Variants in ADGRL2 observed in about 807,000 individuals in gnomAD.
ADGRL2 encodes the protein calcium-independent alpha-latrotoxin receptor 2.
A neutral mutation model predicts 157.4 loss-of-function variants in ADGRL2; 44 were observed. That is an observed-to-expected ratio of 0.28 (90% CI 0.22 to 0.36). ADGRL2 has a LOEUF of 0.36. ADGRL2 is among the 10% of genes least tolerant of loss of function. ADGRL2 has a pLI of 1.00. For missense variants in ADGRL2, 1,510 were observed against 1,768.9 expected (o/e 0.85, Z 2.63); for synonymous variants, 585 against 624.7 (o/e 0.94, Z 0.95).
At chr1:81,427,235 G>A (rs1348437409) in intron 1 of ADGRL2, 1 of 767,452 alleles carries the variant, frequency 1.3e-6, no homozygotes, top group Non-Finnish European at 2.4e-6. Context: ...CTATGCTGGT[G>A]GAGGTGGTGG....
intron 1 of ADGRL2, among the ~76,000 whole-genome samples, chr1:81,755,360 C>T (rs2085651876): frequency 6.6e-6 from 1 of 151,440 alleles, no homozygotes; most frequent in Non-Finnish European, 1.5e-5. Flanking sequence ...GCTACTATTG[C>T]TAATTATCAT....
chr1:81,491,817 C>A (rs2078639155), intron 2 of ADGRL2, among the ~76,000 whole-genome samples: 1 of 152,140 alleles, frequency 6.6e-6, no homozygotes, highest in South Asian at 2.1e-4. Flanking sequence ...CAGATTTATT[C>A]TATGCAATAC....
At chr1:81,620,865 C>T (rs1412046967) in intron 3 of ADGRL2, among the ~76,000 whole-genome samples, 2 of 152,128 alleles carry the variant, frequency 1.3e-5, no homozygotes, top group East Asian at 1.9e-4. Flanking sequence ...ACAAGGCCTC[C>T]GATGAACACG....
intron 2 of ADGRL2, among the ~76,000 whole-genome samples, chr1:81,884,072 A>AT (rs2094062101): frequency 6.7e-6 from 1 of 149,936 alleles, no homozygotes; most frequent in Non-Finnish European, 1.5e-5. Context: ...TTCAGCCTTG[A>AT]TCTCCTGGGC....
chr1:81,607,505 A>T (rs2081458521), intron 3 of ADGRL2, among the ~76,000 whole-genome samples: 1 of 152,206 alleles, frequency 6.6e-6, no homozygotes, highest in Admixed American at 6.5e-5. Flanking sequence ...TGTTATCTAA[A>T]CTGCACGTGG....
At chr1:81,709,280 A>G (rs2083845007) in intron 1 of ADGRL2, among the ~76,000 whole-genome samples, 1 of 152,142 alleles carries the variant, frequency 6.6e-6, no homozygotes. Context: ...CCATTTTACA[A>G]TGGATAAAAT....
chr1:81,744,613 G>T (rs562698912), intron 1 of ADGRL2, among the ~76,000 whole-genome samples: 1 of 152,244 alleles, frequency 6.6e-6, no homozygotes, highest in East Asian at 1.9e-4. Flanking sequence ...AGCTGAGAAA[G>T]ATCTTAGTGT....
intron 2 of ADGRL2, among the ~76,000 whole-genome samples, chr1:81,540,275 A>C (rs1240896743): frequency 2.0e-5 from 3 of 152,202 alleles, no homozygotes; most frequent in Non-Finnish European, 4.4e-5. Flanking sequence ...AATTTTATAA[A>C]GTAAGTTAGG....
chr1:81,669,786 C>CA (rs932895298), intron 3 of ADGRL2, among the ~76,000 whole-genome samples: 13 of 151,678 alleles, frequency 8.6e-5, no homozygotes, highest in Admixed American at 3.9e-4. Flanking sequence ...ACTAAAAATA[C>CA]AAAAAAATTA....
rs1281431035 is a variant in ADGRL2 at position 81,374,406 on chromosome 1, T to C, written c.-302+67897T>C. On this transcript the variant is annotated intron_variant, in intron 1 of 24. Transcript: ENST00000370721. The stretch of plus-strand genomic sequence containing the variant: ...GGCCAACATGGCAAAACCCCATCTC[T>C]ACTAAAAGTACAAAAATTAGCCGGA... Among the ~76,000 whole-genome samples, 6 of 152,166 alleles carry C rather than the reference T, an allele frequency of 3.9e-5. No individual in the cohort carries two copies. In the East Asian group the frequency reaches 1.2e-3, roughly 29 times the overall value.
chr1:81,354,663 T>A (rs139553065), intron 1 of ADGRL2, among the ~76,000 whole-genome samples: 4 of 152,310 alleles, frequency 2.6e-5, no homozygotes, highest in African/African-American at 9.6e-5. Flanking sequence ...TACTCATGCA[T>A]TCATGTGTGC....
intron 1 of ADGRL2, among the ~76,000 whole-genome samples, chr1:81,759,990 G>T (rs910078598): frequency 6.6e-6 from 1 of 152,044 alleles, no homozygotes; most frequent in African/African-American, 2.4e-5. Flanking sequence ...GGACTGGCTG[G>T]AGTGAGTTTC....
At chr1:81,453,714 T>A (rs2077745787) in intron 2 of ADGRL2, among the ~76,000 whole-genome samples, 1 of 152,188 alleles carries the variant, frequency 6.6e-6, no homozygotes, top group South Asian at 2.1e-4. Flanking sequence ...TTGCTTTTCC[T>A]GGCAGCAAAT....
At chr1:81,882,471 G>C (rs543550696) in intron 2 of ADGRL2, among the ~76,000 whole-genome samples, 15 of 152,162 alleles carry the variant, frequency 9.9e-5, no homozygotes, top group African/African-American at 3.6e-4. Flanking sequence ...CTGTTTAGCT[G>C]GATAATGAAA....
rs1049922885 is a variant in ADGRL2 at position 81,833,693 on chromosome 1, A to T, written c.-100-3192A>T. Reference sequence around the variant, plus strand: ...TTTAAGTAATTTTGCGGACAGTTTTAGGCGCGGGATATTTAATGCAGCTAA... The same window carrying T: ...TTTAAGTAATTTTGCGGACAGTTTTTGGCGCGGGATATTTAATGCAGCTAA... On this transcript the variant is annotated intron_variant, in intron 1 of 23. Coordinates refer to ENST00000686636, the MANE Select transcript of ADGRL2 (RefSeq NM_001366006.2). Among the ~76,000 whole-genome samples, 3 of 152,294 alleles carry T rather than the reference A, an allele frequency of 2.0e-5. No homozygotes were observed. In the Middle Eastern group the frequency reaches 0.01, roughly 518 times the overall value.
chr1:81,767,854 C>CAAA (rs71592741), intron 2 of ADGRL2, among the ~76,000 whole-genome samples: 48 of 83,920 alleles, frequency 5.7e-4, no homozygotes, highest in African/African-American at 8.4e-4. Flanking sequence ...GATCCTGTCT[C>CAAA]AAAAAAAAAA....
In ADGRL2 at chr1:81,943,605, A is replaced by G. The variant is rs977096384; in HGVS notation, c.1046A>G (p.Asn349Ser). 8 of 1,613,652 alleles carry G rather than the reference A, an allele frequency of 5.0e-6. No individual in the cohort carries two copies. The African/African-American group carries it at 9.3e-5, about 19-fold the overall frequency. The change falls in exon 6 of 24, where the codon AAT becomes AGT. Residue 349 changes from asparagine to serine, a missense_variant. Physicochemically the swap from Asn to Ser is conservative, Grantham distance 46. This residue lies in a region of ADGRL2 where 361 missense variants were observed against 498.4 expected (regional missense o/e 0.72). Coordinates refer to ENST00000686636, the MANE Select transcript of ADGRL2 (RefSeq NM_001366006.2). The surrounding 1 kb of genome is among the most constrained non-coding windows in gnomAD (Gnocchi z 5.6). ...TGKNSIDYIYNTRLNRGEYVD... is the reference protein window; with the variant it reads ...TGKNSIDYIYSTRLNRGEYVD... Reference sequence around the variant, plus strand: ...AAGAACTCAATTGATTACATTTATAATACCCGATTAAACCGAGGAGAATAT... The same window carrying G: ...AAGAACTCAATTGATTACATTTATAGTACCCGATTAAACCGAGGAGAATAT...
At position 81,868,095 on chromosome 1, in the gene ADGRL2, GA is replaced by G. The variant is rs1347028688; in HGVS notation, c.73+31039del. On this transcript the variant is annotated intron_variant, in intron 2 of 23. Coordinates refer to ENST00000686636, the MANE Select transcript of ADGRL2 (RefSeq NM_001366006.2). ...TGTGTGTGTGTGTGTGTGTGTGTGT[GA>G]TAAAAATTATTTTCCTTTTACATTG... Among the ~76,000 whole-genome samples, 4 of 150,456 alleles carry G rather than the reference GA, an allele frequency of 2.7e-5. No individual in the cohort carries two copies. In the East Asian group the frequency reaches 7.8e-4, roughly 29 times the overall value.
intron 2 of ADGRL2, among the ~76,000 whole-genome samples, chr1:81,886,968 T>A (rs1489335786): frequency 6.6e-6 from 1 of 152,176 alleles, no homozygotes; most frequent in Non-Finnish European, 1.5e-5. Flanking sequence ...TGTGACACAT[T>A]TTCTCTGAAA....
Sources: gnomAD v4.1 joint callset for allele counts (sites outside exome capture counted in the v4.1 genomes callset) on GRCh38, gnomAD v4.1.1 for gene constraint, gnomAD v4.1.1 regional missense constraint, Gnocchi (gnomAD v3.1) non-coding constraint, MANE v1.5 for transcripts, NCBI Gene and HGNC (gene_info 2026-07-23, HGNC 2026-07-21) for gene names.